TMEM117: variants seen among roughly 807,000 people sequenced by gnomAD.
TMEM117 encodes transmembrane protein 117.
Under a neutral mutation model 52.4 loss-of-function variants are expected in TMEM117, and 27 were observed. The observed-to-expected ratio is 0.51, with a 90% confidence interval of 0.38 to 0.71. The LOEUF is 0.71. TMEM117 is among the 30% of genes least tolerant of loss of function. The pLI is 0.00. For synonymous variants in TMEM117, 215 were observed against 206.3 expected (o/e 1.04, Z -0.36); for missense variants, 556 against 630.5 (o/e 0.88, Z 1.26).
intron 3 of TMEM117, among the ~76,000 whole-genome samples, chr12:44,071,302 G>A (rs1947298327): frequency 6.6e-6 from 1 of 152,056 alleles, no homozygotes; most frequent in Admixed American, 6.6e-5. Context: ...CCAGGTGTGC[G>A]TTCACCCTTC....
At chr12:44,151,073 G>A (rs958392629) in intron 4 of TMEM117, among the ~76,000 whole-genome samples, 2 of 151,800 alleles carry the variant, frequency 1.3e-5, no homozygotes, top group African/African-American at 2.4e-5. Flanking sequence ...AATATGAAAG[G>A]CACCTAGGAA....
At chr12:43,811,254 T>C in the TMEM117 span, among the ~76,000 whole-genome samples, 1 of 152,194 alleles carries the variant, frequency 6.6e-6, no homozygotes, top group East Asian at 1.9e-4. Flanking sequence ...GAGTGGATGT[T>C]CCTTTTCTAT....
chr12:44,016,838 C>T (rs538832857), intron 3 of TMEM117, among the ~76,000 whole-genome samples: 1 of 152,182 alleles, frequency 6.6e-6, no homozygotes, highest in South Asian at 2.1e-4. Context: ...TGGGTGCCTG[C>T]CAAAAATACA....
At chr12:44,226,075 G>T (rs752747179) in intron 5 of TMEM117, among the ~76,000 whole-genome samples, 2 of 152,138 alleles carry the variant, frequency 1.3e-5, no homozygotes, top group Non-Finnish European at 2.9e-5. Context: ...TTTACATGGC[G>T]CTCTAACTGT....
chr12:44,266,035 T>TTAGCAATAA (rs1329611719), intron 5 of TMEM117, among the ~76,000 whole-genome samples: 1 of 152,196 alleles, frequency 6.6e-6, no homozygotes, highest in Non-Finnish European at 1.5e-5. Context: ...TTTGGGGCTA[T>TTAGCAATAA]TAGCAATAAT....
intron 6 of TMEM117, among the ~76,000 whole-genome samples, chr12:44,314,210 T>A (rs1324220768): frequency 6.6e-6 from 1 of 152,196 alleles, no homozygotes; most frequent in Non-Finnish European, 1.5e-5. Context: ...TTTTGCCCAG[T>A]CAGAATGATG....
intron 6 of TMEM117, among the ~76,000 whole-genome samples, chr12:44,371,167 G>T (rs185676376): frequency 1.3e-5 from 2 of 152,218 alleles, no homozygotes; most frequent in Non-Finnish European, 2.9e-5. Context: ...TCTGAAATTC[G>T]GTTGCTAGGA....
At chr12:43,823,775 G>A in the TMEM117 span, among the ~76,000 whole-genome samples, 1 of 152,092 alleles carries the variant, frequency 6.6e-6, no homozygotes, top group East Asian at 1.9e-4. Context: ...GCCTCCCAAA[G>A]TGCTAGGCAT....
intron 3 of TMEM117, among the ~76,000 whole-genome samples, chr12:44,075,970 A>G (rs1465025143): frequency 1.3e-5 from 2 of 152,220 alleles, no homozygotes; most frequent in African/African-American, 4.8e-5. Context: ...GAGTCCTAGC[A>G]GTGCTGACAA....
intron 2 of TMEM117, among the ~76,000 whole-genome samples, chr12:43,887,477 G>A (rs888705774): frequency 6.6e-6 from 1 of 152,150 alleles, no homozygotes; most frequent in Admixed American, 6.5e-5. Context: ...ATATATAGGG[G>A]CTTTTACAAG....
upstream of TMEM117, among the ~76,000 whole-genome samples, chr12:43,833,244 T>C (rs1177218807): frequency 6.6e-6 from 1 of 152,206 alleles, no homozygotes; most frequent in Non-Finnish European, 1.5e-5. Flanking sequence ...AAGTTCCATG[T>C]AAGTGATGCC....
chr12:44,227,369 T>C (rs1467781856), intron 5 of TMEM117, among the ~76,000 whole-genome samples: 2 of 152,012 alleles, frequency 1.3e-5, no homozygotes, highest in Non-Finnish European at 2.9e-5. Context: ...GAGGCTGAGG[T>C]GAGCAGATCA....
chr12:44,083,035 T>C (rs1008353849), intron 3 of TMEM117, among the ~76,000 whole-genome samples: 1 of 152,188 alleles, frequency 6.6e-6, no homozygotes, highest in African/African-American at 2.4e-5. Context: ...AAACATTCCA[T>C]TGTGTGAGTA....
At chr12:44,017,497 T>C (rs938815368) in intron 3 of TMEM117, among the ~76,000 whole-genome samples, 4 of 152,146 alleles carry the variant, frequency 2.6e-5, no homozygotes, top group African/African-American at 9.6e-5. Flanking sequence ...CTAGGGACCA[T>C]GAATCACTTG....
chr12:44,237,617 T>G (rs926655357), intron 5 of TMEM117, among the ~76,000 whole-genome samples: 2 of 152,132 alleles, frequency 1.3e-5, no homozygotes, highest in African/African-American at 4.8e-5. Context: ...CTTGGGAGGC[T>G]GAGTCAGGAG....
At chr12:43,842,602 T>C (rs1014938017) in intron 1 of TMEM117, among the ~76,000 whole-genome samples, 1 of 152,158 alleles carries the variant, frequency 6.6e-6, no homozygotes, top group African/African-American at 2.4e-5. Context: ...AGATCTTCCA[T>C]TGACTTACTT....
At chr12:43,908,213 T>G (rs61930733) in intron 2 of TMEM117, among the ~76,000 whole-genome samples, 6,439 of 68,226 alleles carry the variant, frequency 0.094, 543 homozygotes, top group Middle Eastern at 0.17. Context: ...AAGAAAAGAA[T>G]TTTCAACCCA....
chr12:43,934,780 T>C (rs1297867014), intron 2 of TMEM117, among the ~76,000 whole-genome samples: 3 of 152,198 alleles, frequency 2.0e-5, no homozygotes, highest in African/African-American at 4.8e-5. Context: ...TTTTAAATTC[T>C]CTTTGTACCC....
intron 3 of TMEM117, among the ~76,000 whole-genome samples, chr12:43,957,002 A>C (rs760424304): frequency 1.1e-4 from 17 of 152,240 alleles, no homozygotes; most frequent in Non-Finnish European, 1.2e-4. Context: ...TGTCCTTTGT[A>C]GGGACATGGA....
Sources: allele counts gnomAD v4.1 joint callset (sites outside exome capture counted in the v4.1 genomes callset), GRCh38; gene constraint gnomAD v4.1.1; transcripts MANE v1.5; gene names NCBI Gene and HGNC (gene_info 2026-07-23, HGNC 2026-07-21).